The following DUSP16 variants were observed in gnomAD, a reference collection of about 807,000 sequenced individuals.
DUSP16 encodes dual specificity phosphatase 16, also known as dual specificity protein phosphatase 16.
In DUSP16, 21 loss-of-function variants were observed where a neutral mutation model predicts 58.3. That is an observed-to-expected ratio of 0.36 (90% CI 0.26 to 0.52). DUSP16 has a LOEUF of 0.52. Among genes scored for constraint, DUSP16 ranks in the 20% least tolerant of loss-of-function variants. The probability of loss-of-function intolerance (pLI) is 0.94; values close to 1 mark genes in which losing one functional copy is unlikely to be tolerated. For missense variants in DUSP16, 726 were observed against 819.0 expected (o/e 0.89, Z 1.39); for synonymous variants, 320 against 323.8 (o/e 0.99, Z 0.12).
intron 1 of DUSP16, among the ~76,000 whole-genome samples, chr12:12,555,782 C>T (rs1944797096): frequency 6.6e-6 from 1 of 152,180 alleles, no homozygotes; most frequent in South Asian, 2.1e-4. Flanking sequence ...GTGGCTCACA[C>T]CTGTAATCCC....
In DUSP16 at chr12:12,477,595, G is replaced by A. The variant is rs760515668; in HGVS notation, c.1236C>T (p.Ser412=). 1 of 1,614,214 alleles carries A rather than the reference G, an allele frequency of 6.2e-7. No homozygotes were observed. The highest frequency in any genetic ancestry group is 2.2e-5 in the East Asian group (1 of 44,882). Residue 412 remains serine (S), a synonymous_variant, in exon 7 of 7, where the codon AGC becomes AGT. Coordinates refer to ENST00000298573, the MANE Select transcript of DUSP16 (RefSeq NM_030640.3). The surrounding 1 kb of genome is among the most constrained non-coding windows in gnomAD (Gnocchi z 4.1). ...LDIKSVSYSA[S]MAASLHGFSS... is the part of the protein sequence containing the mutation. ...AGAAGCCATGTAAGGATGCTGCCAT[G>A]CTGGCTGAATATGAAACTGATTTGA...
In DUSP16 at chr12:12,521,471, G is replaced by A. The variant is rs1445195177; in HGVS notation, c.-365-8C>T. On this transcript the variant is annotated splice_region_variant and splice_polypyrimidine_tract_variant and intron_variant, in intron 1 of 6. Coordinates refer to ENST00000298573, the MANE Select transcript of DUSP16 (RefSeq NM_030640.3). ...TTACACTGGACTGAAAGCCTACGCG[G>A]AGAGAGAAAGACAGAAAACAAAACG... The A allele has an allele frequency of 5.7e-6, 6 of 1,052,294 alleles. No homozygotes were observed. Among genetic ancestry groups the A allele is most frequent in the Non-Finnish European group, 6.9e-6 (6 of 869,588 alleles). 65.2% of individuals were successfully genotyped at this position (1,052,294 alleles called of 1,614,324 possible).
chr12:12,473,371 A>T lies in DUSP16; in HGVS notation c.*3462T>A, dbSNP rs2970803. 0.93 allele frequency among the ~76,000 whole-genome samples: 140,971 copies of T among 152,196 alleles called. 65,759 individuals are homozygous for T. Among genetic ancestry groups the T allele is most frequent in the Non-Finnish European group, 0.98 (66,811 of 68,042 alleles). On this transcript the variant is annotated 3_prime_UTR_variant, in exon 7 of 7. Coordinates refer to ENST00000298573, the MANE Select transcript of DUSP16 (RefSeq NM_030640.3). ...GGCTGGTCATGAAGGGGCTCCGAGC[A>T]CTGTCAGCAACTGGCCTGAACTTCA... is the stretch of plus-strand genomic sequence containing the variant.
chr12:12,529,759 C>G lies in DUSP16; in HGVS notation c.-365-8296G>C, dbSNP rs557443203. On this transcript the variant is annotated intron_variant, in intron 1 of 6. Coordinates refer to ENST00000298573, the MANE Select transcript of DUSP16 (RefSeq NM_030640.3). ...TTCCATGAGATCAACTTTTTCAGCT[C>G]CCATATATGAGTGAAATTACACAGT... Among the ~76,000 whole-genome samples, 4 of 152,292 alleles carry G rather than the reference C, an allele frequency of 2.6e-5. No homozygotes were observed. The East Asian group carries it at 7.7e-4, about 29-fold the overall frequency.
chr12:12,551,219 G>T (rs937700686), intron 1 of DUSP16, among the ~76,000 whole-genome samples: 7 of 151,680 alleles, frequency 4.6e-5, no homozygotes, highest in Admixed American at 3.9e-4. Flanking sequence ...CGGCAATATT[G>T]GGCTGCTGGC....
At chr12:12,516,071 C>T (rs543186319) in intron 3 of DUSP16, among the ~76,000 whole-genome samples, 6 of 151,690 alleles carry the variant, frequency 4.0e-5, no homozygotes, top group South Asian at 4.2e-4. Flanking sequence ...TCACCATGGC[C>T]GGGCAGTAAT....
intron 1 of DUSP16, among the ~76,000 whole-genome samples, chr12:12,530,254 G>C (rs938768541): frequency 2.0e-5 from 3 of 152,166 alleles, no homozygotes; most frequent in Admixed American, 6.5e-5. Flanking sequence ...GCATTTCTCT[G>C]ATGATGAGTG....
At chr12:12,478,104 TCAGG>T in intron 6 of DUSP16, 89 bp from the exon 7 acceptor site, 2 of 1,186,692 alleles carry the variant, frequency 1.7e-6, no homozygotes, top group East Asian at 4.7e-5. Flanking sequence ...TAGGGAATTA[TCAGG>T]CAGACCTCAA....
intron 1 of DUSP16, among the ~76,000 whole-genome samples, chr12:12,522,046 CA>C (rs1944245469): frequency 6.6e-6 from 1 of 152,136 alleles, no homozygotes; most frequent in Non-Finnish European, 1.5e-5. Context: ...AGAGAAGATG[CA>C]GGAAAACTGG....
At chr12:12,525,335 C>T (rs953127237) in intron 1 of DUSP16, among the ~76,000 whole-genome samples, 1 of 151,684 alleles carries the variant, frequency 6.6e-6, no homozygotes, top group African/African-American at 2.4e-5. Flanking sequence ...AATGGCGCAT[C>T]TCGGCTCACC....
rs1008240593 is a variant in DUSP16 at position 12,554,019 on chromosome 12, G to A, written c.-366+8098C>T. Among the ~76,000 whole-genome samples, 6 of 152,004 alleles carry A rather than the reference G, an allele frequency of 3.9e-5. No homozygotes were observed. The East Asian group carries it at 9.7e-4, about 25-fold the overall frequency. ...TTGAGACCAGCCTGGCCACCCTGGT[G>A]AAACCACATCTCTACTAAAAATACA... On this transcript the variant is annotated intron_variant, in intron 1 of 6. Transcript: ENST00000298573.
intron 1 of DUSP16, among the ~76,000 whole-genome samples, chr12:12,555,193 A>G (rs1292601319): frequency 6.6e-6 from 1 of 152,226 alleles, no homozygotes; most frequent in Admixed American, 6.5e-5. Context: ...ACCACCCATC[A>G]TTTTGGAAAA....
chr12:12,488,239 A>G (rs1943712210), intron 4 of DUSP16, among the ~76,000 whole-genome samples: 1 of 132,886 alleles, frequency 7.5e-6, no homozygotes, highest in African/African-American at 2.7e-5. Flanking sequence ...CTTCCAGAAG[A>G]CACTCTTCCC....
intron 1 of DUSP16, among the ~76,000 whole-genome samples, chr12:12,525,285 T>C (rs1185025869): frequency 6.6e-6 from 1 of 152,142 alleles, no homozygotes; most frequent in Non-Finnish European, 1.5e-5. Context: ...TTTTTTTTTT[T>C]TGAGACAGAG....
intron 1 of DUSP16, among the ~76,000 whole-genome samples, chr12:12,550,837 C>T (rs1444819044): frequency 1.3e-5 from 2 of 151,812 alleles, no homozygotes. Context: ...ATGTGTATAC[C>T]TGTGTAACAA....
At chr12:12,533,404 C>A (rs1944419867) in intron 1 of DUSP16, among the ~76,000 whole-genome samples, 1 of 152,190 alleles carries the variant, frequency 6.6e-6, no homozygotes, top group Admixed American at 6.6e-5. Context: ...ACATGCACAA[C>A]AAGGTTTGAA....
chr12:12,557,705 T>A (rs773664905), intron 1 of DUSP16, among the ~76,000 whole-genome samples: 1 of 152,236 alleles, frequency 6.6e-6, no homozygotes, highest in Non-Finnish European at 1.5e-5. Flanking sequence ...TTACCTTTAC[T>A]ACCGACCACT....
At chr12:12,548,910 G>C (rs898221862) in intron 1 of DUSP16, among the ~76,000 whole-genome samples, 3 of 152,072 alleles carry the variant, frequency 2.0e-5, no homozygotes, top group African/African-American at 7.2e-5. Flanking sequence ...TTCTAATCAT[G>C]ATCATGACTT....
chr12:12,500,647 G>C lies in DUSP16; in HGVS notation c.403C>G (p.Leu135Val). The C allele has an allele frequency of 1.9e-6, 3 of 1,601,332 alleles. No individual in the cohort carries two copies. The highest frequency in any genetic ancestry group is 2.6e-6 in the Non-Finnish European group (3 of 1,175,022). Residue 135 changes from leucine (L) to valine (V), a missense_variant, in exon 4 of 7, where the codon CTC becomes GTC. Coordinates refer to ENST00000298573, the MANE Select transcript of DUSP16 (RefSeq NM_030640.3). ...ACTAGAGTGGATTTTCCTTCACAGA[G>C]GCCAGGGAAACAACGAGAGAACTCA... ...FAEFSRCFPG[L>V]CEGKSTLVPT...
Sources: allele counts gnomAD v4.1 joint callset (sites outside exome capture counted in the v4.1 genomes callset), GRCh38; gene constraint gnomAD v4.1.1; non-coding constraint Gnocchi (gnomAD v3.1); transcripts MANE v1.5; gene names NCBI Gene and HGNC (gene_info 2026-07-23, HGNC 2026-07-21).